The following NEK4 variants were observed in gnomAD, a reference collection of about 807,000 sequenced individuals.
The protein encoded by NEK4 is NIMA related kinase 4.
NEK4 carries 86 observed loss-of-function variants against 98.4 expected under a neutral mutation model. The ratio of observed to expected loss-of-function variants is 0.87; its 90% CI spans 0.73 to 1.05. NEK4 has a LOEUF of 1.05. Among genes scored for constraint, NEK4 ranks in the 50% least tolerant of loss-of-function variants. The pLI is 0.00. For missense variants in NEK4, 898 were observed against 950.3 expected (o/e 0.94, Z 0.72); for synonymous variants, 328 against 342.2 (o/e 0.96, Z 0.46).
intron 15 of NEK4, chr3:52,735,028 C>A (rs752500976): frequency 1.1e-5 from 2 of 176,864 alleles, no homozygotes; most frequent in South Asian, 2.7e-4. Context: ...TTCAGTTACT[C>A]CATGAGGAGA....
At chr3:52,717,890 T>C (rs1322030946) in intron 15 of NEK4, among the ~76,000 whole-genome samples, 1 of 151,788 alleles carries the variant, frequency 6.6e-6, no homozygotes, top group Non-Finnish European at 1.5e-5. Flanking sequence ...CCTCCCTGGG[T>C]TCAAGCAATT....
In NEK4 at chr3:52,739,575, A is replaced by C; in HGVS notation, c.2153T>G (p.Leu718Arg). The change falls in exon 14 of 16, where the codon CTG (leucine) becomes CGG (arginine). Residue 718 changes from leucine to arginine, a missense_variant. Leu to Arg is a moderately radical substitution (Grantham distance 102, BLOSUM62 -2). Coordinates refer to ENST00000233027, the MANE Select transcript of NEK4 (RefSeq NM_003157.6). ...ATCTTCACAGCTCTCTTTAGAATCCAGTTTCAGGGTCTGAGTCATCAATTG... is the reference window on the plus strand; with the variant it reads ...ATCTTCACAGCTCTCTTTAGAATCCCGTTTCAGGGTCTGAGTCATCAATTG... ...LVQLMTQTLKLDSKESCEDVP... is the reference protein window; with the variant it reads ...LVQLMTQTLKRDSKESCEDVP... The C allele has an allele frequency of 6.2e-7, 1 of 1,614,148 alleles. No homozygotes were observed. The highest frequency in any genetic ancestry group is 8.5e-7 in the Non-Finnish European group (1 of 1,180,032).
At position 52,709,984 on chromosome 3, in the gene NEK4, A is replaced by G. The variant is rs1187275669; in HGVS notation, c.*1793T>C. 6.6e-6 allele frequency: 1 copy of G among 152,188 alleles called. No individual in the cohort carries two copies. Among genetic ancestry groups the G allele is most frequent in the Non-Finnish European group, 1.5e-5 (1 of 68,046 alleles). 9.4% of individuals were successfully genotyped at this position (152,188 alleles called of 1,614,324 possible). On this transcript the variant is annotated 3_prime_UTR_variant, in exon 16 of 16. Coordinates refer to ENST00000233027, the MANE Select transcript of NEK4 (RefSeq NM_003157.6). Reference sequence around the variant, plus strand: ...TCAGAAACCAGGCTGTGAGCACTGTAAAAGGGCAGGAAGTATTGTTTTATT... The same window carrying G: ...TCAGAAACCAGGCTGTGAGCACTGTGAAAGGGCAGGAAGTATTGTTTTATT...
At position 52,763,621 on chromosome 3, in the gene NEK4, G is replaced by C. The variant is rs776674608; in HGVS notation, c.670C>G (p.Pro224Ala). Residue 224 changes from proline (P) to alanine (A), a missense_variant, in exon 5 of 16, where the codon CCA becomes GCA. By Grantham distance (27) the Pro-to-Ala change is conservative (BLOSUM62 -1). Transcript: ENST00000233027. ...LVYRIIEGKL[P>A]PMPRDYSPEL... Reference sequence around the variant, plus strand: ...GGGCTGTAATCTCTTGGCATTGGTGGCAGCTACAAATAAAAATAATATTGT... The same window carrying C: ...GGGCTGTAATCTCTTGGCATTGGTGCCAGCTACAAATAAAAATAATATTGT... The C allele has an allele frequency of 3.8e-6, 6 of 1,580,174 alleles. No individual in the cohort carries two copies. In the East Asian group the frequency reaches 1.4e-4, roughly 36 times the overall value.
intron 15 of NEK4, among the ~76,000 whole-genome samples, chr3:52,729,292 T>A (rs1005708009): frequency 6.6e-5 from 10 of 152,168 alleles, no homozygotes; most frequent in South Asian, 4.1e-4. Context: ...TTCTCTTTAT[T>A]TCTCAGCTGG....
intron 5 of NEK4, among the ~76,000 whole-genome samples, chr3:52,762,717 C>G (rs1020784624): frequency 6.6e-6 from 1 of 152,110 alleles, no homozygotes; most frequent in Non-Finnish European, 1.5e-5. Flanking sequence ...CCTGTCTCTA[C>G]TAAAACTACA....
intron 15 of NEK4, among the ~76,000 whole-genome samples, chr3:52,731,397 T>C (rs941987990): frequency 6.6e-6 from 1 of 152,224 alleles, no homozygotes; most frequent in Non-Finnish European, 1.5e-5. Context: ...GGAGGACTCA[T>C]CCTTCCTGAT....
Position 52,711,809 on chromosome 3 carries a change from A to G in NEK4, c.2494T>C (p.Leu832=), listed in dbSNP as rs1461293293. 5.0e-6 allele frequency: 8 copies of G among 1,610,810 alleles called. No homozygotes were observed. The highest frequency in any genetic ancestry group is 2.7e-5 in the African/African-American group (2 of 74,830). The change falls in exon 16 of 16, where the codon TTG becomes CTG. Residue 832 remains leucine, a synonymous_variant. Coordinates refer to ENST00000233027, the MANE Select transcript of NEK4 (RefSeq NM_003157.6). ...TTCATGTTTTCTTCAAAAAATTTCA[A>G]CTGGCGAGCTTTCACACTGTAAGTT... The part of the protein sequence containing the change: ...YTTYSVKARQ[L]KFFEENMNF
intron 15 of NEK4, among the ~76,000 whole-genome samples, chr3:52,716,023 C>T (rs2154101906): frequency 6.6e-6 from 1 of 152,318 alleles, no homozygotes; most frequent in East Asian, 1.9e-4. Context: ...TGCACCTGGT[C>T]TGGCCATAGC....
At position 52,731,073 on chromosome 3, in the gene NEK4, T is replaced by C. The variant is rs1046649666; in HGVS notation, c.2433+6513A>G. On this transcript the variant is annotated intron_variant, in intron 15 of 15. Coordinates refer to ENST00000233027, the MANE Select transcript of NEK4 (RefSeq NM_003157.6). ...TTTTATTACAATTTAAAAAAATGTA[T>C]ATATTGTTGAGCCTATAACATATAG... Among the ~76,000 whole-genome samples, 6 of 152,178 alleles carry C rather than the reference T, an allele frequency of 3.9e-5. No homozygotes were observed. In the East Asian group the frequency reaches 9.6e-4, roughly 24 times the overall value.
At chr3:52,732,114 T>TTA (rs1312924280) in intron 15 of NEK4, among the ~76,000 whole-genome samples, 1 of 152,228 alleles carries the variant, frequency 6.6e-6, no homozygotes, top group East Asian at 1.9e-4. Context: ...CAAGTATGTC[T>TTA]TTATTAGCAG....
intron 15 of NEK4, among the ~76,000 whole-genome samples, chr3:52,722,319 G>A (rs1056817392): frequency 1.3e-5 from 2 of 152,114 alleles, no homozygotes; most frequent in African/African-American, 2.4e-5. Context: ...ACTGCTGAAC[G>A]TGGGTACAAG....
Position 52,711,630 on chromosome 3 carries a change from CT to C in NEK4, c.*146del. The C allele has an allele frequency of 1.6e-6, 1 of 606,566 alleles. No individual in the cohort carries two copies. The highest frequency in any genetic ancestry group is 2.7e-5 in the East Asian group (1 of 36,970). 37.6% of individuals were successfully genotyped at this position (606,566 alleles called of 1,614,324 possible). A position where few individuals can be genotyped will look rare whatever the true frequency, so the allele number is the denominator to read the frequency against. ...CATATTATTCTGTTCTGTCCAATTT[CT>C]TTTCTGTAGGGAAACGCCAAAGAGA... On this transcript the variant is annotated 3_prime_UTR_variant, in exon 16 of 16. Coordinates refer to ENST00000233027, the MANE Select transcript of NEK4 (RefSeq NM_003157.6).
intron 15 of NEK4, among the ~76,000 whole-genome samples, chr3:52,732,199 T>G (rs922008507): frequency 1.3e-5 from 2 of 151,980 alleles, no homozygotes; most frequent in African/African-American, 2.4e-5. Context: ...ATTGATTTCT[T>G]TTTTTTTCTT....
Position 52,713,735 on chromosome 3 carries a change from G to A in NEK4, c.2434-1866C>T, listed in dbSNP as rs142295102. Among the ~76,000 whole-genome samples, 1,326 of 150,060 alleles carry A rather than the reference G, an allele frequency of 8.8e-3. 11 individuals are homozygous for A. The highest frequency in any genetic ancestry group is 0.013 in the Non-Finnish European group (889 of 67,798). On this transcript the variant is annotated intron_variant, in intron 15 of 15. Coordinates refer to ENST00000233027, the MANE Select transcript of NEK4 (RefSeq NM_003157.6). ...CTTGAACCCGCGAGGCGGAGGTTGC[G>A]GTGAGCCAAGATTGCACCATTGCAC...
intron 5 of NEK4, among the ~76,000 whole-genome samples, chr3:52,762,205 A>C (rs1009103466): frequency 6.6e-6 from 1 of 152,216 alleles, no homozygotes; most frequent in Non-Finnish European, 1.5e-5. Context: ...AAGCCAAAGC[A>C]AGGAATTCTC....
rs1160972338 is a variant in NEK4, at chr3:52,710,693, T to G, written c.*1084A>C. ...AGGAATACCACTTGAGCCCCAGAAG[T>G]GGAGGTTGCAGTGAGTTGAGATCAT... On this transcript the variant is annotated 3_prime_UTR_variant, in exon 16 of 16. Transcript: ENST00000233027. 6.6e-6 allele frequency: 1 copy of G among 151,844 alleles called. No homozygotes were observed. Among genetic ancestry groups the G allele is most frequent in the Non-Finnish European group, 1.5e-5 (1 of 67,990 alleles). The allele number at this position is 151,844 out of a possible 1,614,324, so 9.4% of individuals were successfully genotyped here.
At chr3:52,768,912 C>T (rs190497964) in intron 1 of NEK4, among the ~76,000 whole-genome samples, 16 of 152,240 alleles carry the variant, frequency 1.1e-4, no homozygotes, top group African/African-American at 3.9e-4. Context: ...AATTATAAAA[C>T]CTGTGTTAGC....
chr3:52,768,243 A>G (rs1698648470), intron 2 of NEK4, 95 bp downstream of exon 2: 1 of 1,108,994 alleles, frequency 9.0e-7, no homozygotes, highest in Non-Finnish European at 1.3e-6. Flanking sequence ...ATACATTTCT[A>G]TATGTAAGTA....
Sources: gnomAD v4.1 joint callset for allele counts (sites outside exome capture counted in the v4.1 genomes callset) on GRCh38, gnomAD v4.1.1 for gene constraint, MANE v1.5 for transcripts, NCBI Gene and HGNC (gene_info 2026-07-23, HGNC 2026-07-21) for gene names.